MTUS2: variants seen among roughly 807,000 people sequenced by gnomAD.
The protein encoded by MTUS2 is microtubule associated scaffold protein 2.
MTUS2 carries 40 observed loss-of-function variants against 114.1 expected under a neutral mutation model. The ratio of observed to expected loss-of-function variants is 0.35; its 90% CI spans 0.27 to 0.46. The LOEUF (loss-of-function observed/expected upper bound fraction) is 0.46. Among genes scored for constraint, MTUS2 ranks in the 20% least tolerant of loss-of-function variants. The pLI, the probability that MTUS2 is intolerant of heterozygous loss-of-function variation, is 1.00. For missense variants in MTUS2, 1,679 were observed against 1,705.4 expected, an observed-to-expected ratio of 0.98 and a Z score of 0.27; for synonymous variants, 688 against 672.0, an observed-to-expected ratio of 1.02 and a Z score of -0.37.
chr13:29,254,870 A>C (rs1266620243), intron 5 of MTUS2, among the ~76,000 whole-genome samples: 2 of 152,214 alleles, frequency 1.3e-5, no homozygotes, highest in Non-Finnish European at 2.9e-5. Context: ...CCATGCTAGT[A>C]ATCAACTCTA....
At chr13:28,955,766 C>T (rs1013553623) in intron 2 of MTUS2, among the ~76,000 whole-genome samples, 2 of 151,912 alleles carry the variant, frequency 1.3e-5, no homozygotes, top group African/African-American at 4.8e-5. Flanking sequence ...ACCCACTTGA[C>T]CTGGCACCAG....
At chr13:29,484,478 CACCT>C (rs1171707185) in intron 10 of MTUS2, among the ~76,000 whole-genome samples, 1 of 152,250 alleles carries the variant, frequency 6.6e-6, no homozygotes, top group African/African-American at 2.4e-5. Context: ...CCTCTGTCAA[CACCT>C]GCCTGTGTGG....
chr13:29,258,263 T>C (rs1897345618), intron 5 of MTUS2, among the ~76,000 whole-genome samples: 2 of 152,196 alleles, frequency 1.3e-5, no homozygotes, highest in Admixed American at 6.5e-5. Flanking sequence ...AGGTACCCTT[T>C]GCTTGCCCTA....
At chr13:28,866,053 G>A (rs1357260223) in intron 2 of MTUS2, among the ~76,000 whole-genome samples, 1 of 152,140 alleles carries the variant, frequency 6.6e-6, no homozygotes, top group Admixed American at 6.5e-5. Flanking sequence ...CATACTTGGG[G>A]GAGGGCTGTT....
intron 5 of MTUS2, among the ~76,000 whole-genome samples, chr13:29,245,389 T>C (rs1896883843): frequency 6.6e-6 from 1 of 152,098 alleles, no homozygotes; most frequent in Non-Finnish European, 1.5e-5. Flanking sequence ...GAGTTTGGGG[T>C]AGGCAAGAAA....
At chr13:29,315,041 G>A (rs1899929398) in intron 6 of MTUS2, among the ~76,000 whole-genome samples, 1 of 152,172 alleles carries the variant, frequency 6.6e-6, no homozygotes, top group Non-Finnish European at 1.5e-5. Flanking sequence ...GAGCTTGGAG[G>A]ACATTATGTT....
chr13:29,284,218 A>G (rs946463734), intron 6 of MTUS2, among the ~76,000 whole-genome samples: 1 of 152,202 alleles, frequency 6.6e-6, no homozygotes, highest in Non-Finnish European at 1.5e-5. Flanking sequence ...GGTACTATGT[A>G]GCTGTTACAT....
At chr13:28,859,313 A>G (rs1290231327) in intron 2 of MTUS2, among the ~76,000 whole-genome samples, 1 of 152,206 alleles carries the variant, frequency 6.6e-6, no homozygotes, top group African/African-American at 2.4e-5. Flanking sequence ...GTCTGAGGAC[A>G]ATCCCCATAG....
At chr13:29,324,543 C>A in intron 6 of MTUS2, 70 bp from the exon 7 acceptor site, 2 of 1,197,626 alleles carry the variant, frequency 1.7e-6, no homozygotes, top group Non-Finnish European at 2.4e-6. Context: ...ACCCTTTCCA[C>A]AACTTATGTT....
rs9550442 is a variant in MTUS2 at position 29,177,317 on chromosome 13, T to C, written c.2644+76347T>C. On this transcript the variant is annotated intron_variant, in intron 5 of 15. Transcript: ENST00000612955. ...TAGATAAAATCACAAAGGAAGTGTA[T>C]ATAGATGAAAACTAAGGAGATAAAA... Among the ~76,000 whole-genome samples the C allele has an allele frequency of 7.3e-3, 1,101 of 150,866 alleles. 30 individuals are homozygous for C. Among genetic ancestry groups the C allele is most frequent in the East Asian group, 0.067 (346 of 5,166 alleles).
intron 5 of MTUS2, among the ~76,000 whole-genome samples, chr13:29,207,714 G>A (rs185164578): frequency 5.3e-5 from 8 of 152,074 alleles, no homozygotes; most frequent in African/African-American, 1.7e-4. Context: ...TGTTTATGTG[G>A]TGTATCACAT....
At chr13:28,952,232 C>T (rs977080690) in intron 2 of MTUS2, among the ~76,000 whole-genome samples, 7 of 152,160 alleles carry the variant, frequency 4.6e-5, no homozygotes, top group African/African-American at 1.7e-4. Context: ...AAGCTCTTTC[C>T]AATCCAACAC....
At chr13:29,437,711 A>G (rs1593442604) in intron 8 of MTUS2, among the ~76,000 whole-genome samples, 1 of 152,168 alleles carries the variant, frequency 6.6e-6, no homozygotes, top group Non-Finnish European at 1.5e-5. Context: ...TGTGGCAGCC[A>G]CAGATTGGAC....
intron 1 of MTUS2, among the ~76,000 whole-genome samples, chr13:28,838,335 A>G (rs1278844101): frequency 6.6e-6 from 1 of 152,088 alleles, no homozygotes; most frequent in African/African-American, 2.4e-5. Flanking sequence ...TTTTACTTCC[A>G]TTAGTGTTGT....
intron 5 of MTUS2, among the ~76,000 whole-genome samples, chr13:29,236,105 T>C (rs1293460517): frequency 6.6e-6 from 1 of 152,190 alleles, no homozygotes; most frequent in African/African-American, 2.4e-5. Context: ...CAAAGAAAAC[T>C]TTAACCTATT....
intron 5 of MTUS2, among the ~76,000 whole-genome samples, chr13:29,262,010 G>C (rs187916714): frequency 6.6e-5 from 10 of 152,318 alleles, no homozygotes; most frequent in African/African-American, 2.4e-4. Flanking sequence ...TTTCTCCTAT[G>C]TGAATGTGAC....
chr13:29,484,185 C>T (rs920216110), intron 10 of MTUS2: 2 of 152,248 alleles, frequency 1.3e-5, no homozygotes, highest in African/African-American at 4.8e-5. Flanking sequence ...ATCCAGGATA[C>T]ACCTTCTATG....
intron 4 of MTUS2, among the ~76,000 whole-genome samples, chr13:29,094,613 A>G (rs1890101428): frequency 6.6e-6 from 1 of 152,032 alleles, no homozygotes; most frequent in Non-Finnish European, 1.5e-5. Context: ...AAATTTATTG[A>G]TAATTCAAAG....
intron 8 of MTUS2, 57 bp downstream of exon 8, chr13:29,359,530 A>T: frequency 6.5e-7 from 1 of 1,539,132 alleles, no homozygotes; most frequent in South Asian, 1.2e-5. Flanking sequence ...GAGTGTGGTG[A>T]TGGTGACGGT....
Sources: allele counts gnomAD v4.1 joint callset (sites outside exome capture counted in the v4.1 genomes callset), GRCh38; gene constraint gnomAD v4.1.1; transcripts MANE v1.5; gene names NCBI Gene and HGNC (gene_info 2026-07-23, HGNC 2026-07-21).